The following CYYR1 variants were observed in gnomAD, a reference collection of about 807,000 sequenced individuals.
CYYR1 encodes the protein cysteine and tyrosine-rich protein 1.
CYYR1 carries 14 observed loss-of-function variants against 15.2 expected under a neutral mutation model. The ratio of observed to expected loss-of-function variants is 0.92; its 90% CI spans 0.61 to 1.44. CYYR1 has a LOEUF of 1.44. Among genes scored for constraint, CYYR1 ranks in the 40% most tolerant of loss-of-function variants. The pLI is 0.00. For synonymous variants in CYYR1, 80 were observed against 77.4 expected, an observed-to-expected ratio of 1.03 and a Z score of -0.18; for missense variants, 228 against 209.5, an observed-to-expected ratio of 1.09 and a Z score of -0.54.
At chr21:26,475,634 C>T (rs1194927816) in intron 3 of CYYR1, among the ~76,000 whole-genome samples, 1 of 152,142 alleles carries the variant, frequency 6.6e-6, no homozygotes, top group Non-Finnish European at 1.5e-5. Flanking sequence ...CTCTTGACTT[C>T]ATGTCCACCT....
intron 2 of CYYR1, among the ~76,000 whole-genome samples, chr21:26,552,659 T>A (rs2830279): frequency 0.31 from 47,200 of 151,944 alleles, 9,148 homozygotes; most frequent in East Asian, 0.64. Context: ...TTATTGTTCT[T>A]TTTAGTGGGT....
chr21:26,570,435 GGGA>G (rs755254603), intron 1 of CYYR1, among the ~76,000 whole-genome samples: 11 of 152,150 alleles, frequency 7.2e-5, no homozygotes, highest in Non-Finnish European at 1.2e-4. Flanking sequence ...AGGAAGGAAA[GGGA>G]GGAGACAGAA....
intron 3 of CYYR1, among the ~76,000 whole-genome samples, chr21:26,476,484 T>C (rs566482797): frequency 8.5e-5 from 13 of 152,096 alleles, no homozygotes; most frequent in Non-Finnish European, 1.6e-4. Flanking sequence ...CTTAAAACAA[T>C]TCTTTTCAAT....
chr21:26,573,002 G>A lies in CYYR1; in HGVS notation c.-62C>T. The stretch of plus-strand genomic sequence containing the variant: ...GCCCGGAACCGGAGGGAATGGGGAG[G>A]ATGGAGGGCGATCAGATGGAGAGAG... On this transcript the variant is annotated 5_prime_UTR_variant, in exon 1 of 4. Transcript: ENST00000652641. 6.2e-7 allele frequency: 1 copy of A among 1,611,628 alleles called. No individual in the cohort carries two copies. The highest frequency in any genetic ancestry group is 8.5e-7 in the Non-Finnish European group (1 of 1,179,010).
chr21:26,551,710 G>C (rs1193266742), intron 2 of CYYR1: 1 of 183,340 alleles, frequency 5.5e-6, no homozygotes, highest in Non-Finnish European at 1.2e-5. Context: ...AATTCTTACG[G>C]ATTAGCAAAA....
chr21:26,469,753 T>C (rs922799615), intron 3 of CYYR1, among the ~76,000 whole-genome samples: 2 of 152,170 alleles, frequency 1.3e-5, no homozygotes, highest in African/African-American at 2.4e-5. Context: ...TATCCTTTAA[T>C]AAATTTCTCC....
At chr21:26,533,827 A>G (rs1220595698) in intron 2 of CYYR1, among the ~76,000 whole-genome samples, 1 of 152,192 alleles carries the variant, frequency 6.6e-6, no homozygotes, top group Admixed American at 6.6e-5. Flanking sequence ...AGATTATAAA[A>G]GTGAATGTTA....
intron 2 of CYYR1, among the ~76,000 whole-genome samples, chr21:26,546,729 G>A (rs1158587785): frequency 2.6e-5 from 4 of 152,244 alleles, no homozygotes; most frequent in African/African-American, 4.8e-5. Flanking sequence ...GGAATGCACC[G>A]TCTTAGGTGT....
rs189840312 is a variant in CYYR1 at position 26,539,283 on chromosome 21, G to A, written c.176+26983C>T. ...TTCACCCATCTCCAACCTTAAGTAC[G>A]TAAGTGTGGCTGTGAGCCTTTCACG... On this transcript the variant is annotated intron_variant, in intron 2 of 3. Transcript: ENST00000652641. 9.7e-4 allele frequency among the ~76,000 whole-genome samples: 147 copies of A among 152,226 alleles called. 1 individual carries two copies. The highest frequency in any genetic ancestry group is 3.3e-3 in the African/African-American group (138 of 41,546).
At chr21:26,527,843 A>C (rs2065885910) in intron 2 of CYYR1, among the ~76,000 whole-genome samples, 1 of 152,234 alleles carries the variant, frequency 6.6e-6, no homozygotes, top group African/African-American at 2.4e-5. Context: ...TTTTCTAGAA[A>C]TATAATATTC....
At chr21:26,487,786 A>C (rs1251196165) in intron 2 of CYYR1, among the ~76,000 whole-genome samples, 1 of 151,956 alleles carries the variant, frequency 6.6e-6, no homozygotes, top group African/African-American at 2.4e-5. Flanking sequence ...GTATACGTGT[A>C]TCAGATAAGA....
At position 26,566,274 on chromosome 21, in the gene CYYR1, A is replaced by G; in HGVS notation, c.168T>C (p.Asn56=). The change falls in exon 2 of 4, where the codon AAT becomes AAC. Residue 56 remains asparagine, a synonymous_variant. Coordinates refer to ENST00000652641, the MANE Select transcript of CYYR1 (RefSeq NM_001320768.2). ...YCCSYYAYIG[N]ILSGTAIAGI... ...ATCTGACGAATACTCACGAGAGGAT[A>G]TTCCCAATATAAGCGTAGTAGGAGC... The G allele has an allele frequency of 6.2e-7, 1 of 1,612,462 alleles. No homozygotes were observed. Among genetic ancestry groups the G allele is most frequent in the Non-Finnish European group, 8.5e-7 (1 of 1,178,592 alleles).
chr21:26,489,502 T>A (rs2123436291), intron 2 of CYYR1, among the ~76,000 whole-genome samples: 1 of 152,130 alleles, frequency 6.6e-6, no homozygotes, highest in Non-Finnish European at 1.5e-5. Flanking sequence ...ATGGTCATAT[T>A]AAAAAAATCA....
chr21:26,483,137 T>A (rs1319780592), intron 2 of CYYR1, among the ~76,000 whole-genome samples: 1 of 152,058 alleles, frequency 6.6e-6, no homozygotes, highest in Non-Finnish European at 1.5e-5. Flanking sequence ...TCCAAAGTTG[T>A]ACTAAACTTT....
Position 26,466,370 on chromosome 21 carries a change from C to T in CYYR1, c.*2131G>A, listed in dbSNP as rs189477190. ...TATGAAAACAATCAGTGAACTCCAA[C>T]AGTCTATACTGGTAATGTGCACATT... On this transcript the variant is annotated 3_prime_UTR_variant, in exon 4 of 4. Transcript: ENST00000652641. The T allele has an allele frequency of 1.3e-5, 2 of 152,282 alleles. No homozygotes were observed. The highest frequency in any genetic ancestry group is 4.8e-5 in the African/African-American group (2 of 41,570). 9.4% of individuals were successfully genotyped at this position (152,282 alleles called of 1,614,324 possible).
At chr21:26,493,245 G>C (rs982506044) in intron 2 of CYYR1, among the ~76,000 whole-genome samples, 12 of 152,090 alleles carry the variant, frequency 7.9e-5, no homozygotes, top group African/African-American at 2.9e-4. Flanking sequence ...TAAAGAACTT[G>C]AACTTTTTAT....
intron 1 of CYYR1, chr21:26,568,682 G>A (rs1031096594): frequency 4.6e-5 from 7 of 152,134 alleles, no homozygotes; most frequent in African/African-American, 1.4e-4. Flanking sequence ...TACAGAATGG[G>A]AGAAAATATG....
At chr21:26,474,574 T>G (rs907247069) in intron 3 of CYYR1, among the ~76,000 whole-genome samples, 1 of 152,030 alleles carries the variant, frequency 6.6e-6, no homozygotes, top group Non-Finnish European at 1.5e-5. Context: ...TACCCCAAAC[T>G]TTCCTTCACT....
rs2064991895 is a variant in CYYR1 at position 26,468,266 on chromosome 21, G to C, written c.*235C>G. 2 of 536,114 alleles carry C rather than the reference G, an allele frequency of 3.7e-6. No homozygotes were observed. Among genetic ancestry groups the C allele is most frequent in the Non-Finnish European group, 6.8e-6 (2 of 295,676 alleles). 33.2% of individuals were successfully genotyped at this position (536,114 alleles called of 1,614,324 possible). ...ACTCTTCCCTGAATGTGCTTAGGTGGATCAGCAGATCTCTTAAAATGTGGT... is the reference window on the plus strand; with the variant it reads ...ACTCTTCCCTGAATGTGCTTAGGTGCATCAGCAGATCTCTTAAAATGTGGT... On this transcript the variant is annotated 3_prime_UTR_variant, in exon 4 of 4. Coordinates refer to ENST00000652641, the MANE Select transcript of CYYR1 (RefSeq NM_001320768.2).
Sources: gnomAD v4.1 joint callset for allele counts (sites outside exome capture counted in the v4.1 genomes callset) on GRCh38, gnomAD v4.1.1 for gene constraint, MANE v1.5 for transcripts, NCBI Gene and HGNC (gene_info 2026-07-23, HGNC 2026-07-21) for gene names.